ZNF395: variants seen among roughly 807,000 people sequenced by gnomAD.
ZNF395 encodes zinc finger protein 395.
ZNF395 carries 20 observed loss-of-function variants against 57.7 expected under a neutral mutation model. The ratio of observed to expected loss-of-function variants is 0.35; its 90% CI spans 0.24 to 0.50. The LOEUF is 0.50. Among genes scored for constraint, ZNF395 ranks in the 20% least tolerant of loss-of-function variants. The pLI is 0.97. For missense variants in ZNF395, 606 were observed against 671.2 expected (o/e 0.90, Z 1.07); for synonymous variants, 295 against 275.9 (o/e 1.07, Z -0.69).
intron 2 of ZNF395, 52 bp downstream of exon 2, chr8:28,360,833 C>A: frequency 6.3e-7 from 1 of 1,596,538 alleles, no homozygotes; most frequent in South Asian, 1.1e-5. Flanking sequence ...CCCCAGCCCC[C>A]TACCCCAAGA....
intron 4 of ZNF395, among the ~76,000 whole-genome samples, chr8:28,355,969 TGAA>T (rs10599970): frequency 0.11 from 16,263 of 152,144 alleles, 2,827 homozygotes; most frequent in African/African-American, 0.36. Context: ...TGTCCACCAA[TGAA>T]GAAGTTCTTC....
At chr8:28,379,431 G>A (rs1483074837) in intron 1 of ZNF395, among the ~76,000 whole-genome samples, 2 of 152,174 alleles carry the variant, frequency 1.3e-5, no homozygotes, top group Non-Finnish European at 1.5e-5. Context: ...TTGGGAGGCT[G>A]AGGCAGAAGG....
intron 1 of ZNF395, among the ~76,000 whole-genome samples, chr8:28,374,743 A>C (rs1229546362): frequency 6.6e-6 from 1 of 152,208 alleles, no homozygotes; most frequent in African/African-American, 2.4e-5. Flanking sequence ...GGGACTTCTG[A>C]TCATCCAAAG....
At chr8:28,378,521 G>A (rs1387700913) in intron 1 of ZNF395, among the ~76,000 whole-genome samples, 1 of 152,164 alleles carries the variant, frequency 6.6e-6, no homozygotes, top group Non-Finnish European at 1.5e-5. Flanking sequence ...GATTACAGGC[G>A]TGAGTCAATG....
intron 9 of ZNF395, 57 bp from the exon 10 acceptor site, chr8:28,348,887 T>G: frequency 6.4e-7 from 1 of 1,559,010 alleles, no homozygotes; most frequent in South Asian, 1.1e-5. Flanking sequence ...CCCAGGAGAG[T>G]GGCCAAGTGG....
intron 1 of ZNF395, 90 bp from the exon 2 acceptor site, chr8:28,361,272 C>T (rs1445263839): frequency 9.5e-7 from 1 of 1,050,450 alleles, no homozygotes; most frequent in African/African-American, 1.6e-5. Flanking sequence ...TTAAAGTCAA[C>T]TTCTAGCATC....
At chr8:28,358,269 C>G (rs1453842514) in intron 3 of ZNF395, among the ~76,000 whole-genome samples, 2 of 151,044 alleles carry the variant, frequency 1.3e-5, no homozygotes, top group Non-Finnish European at 2.9e-5. Context: ...GCCACCATGC[C>G]CAGCTAATTT....
chr8:28,376,936 A>C (rs958712265), intron 1 of ZNF395, among the ~76,000 whole-genome samples: 1 of 152,212 alleles, frequency 6.6e-6, no homozygotes, highest in Non-Finnish European at 1.5e-5. Flanking sequence ...GATTTCTCAA[A>C]TGCCAAAATG....
chr8:28,346,268 G>C lies in ZNF395; in HGVS notation c.*2451C>G, dbSNP rs1046272055. ...CCATCAGAGTCTGCTGCCCGGGTGGGCTGGGAAGGAGGGAGATACAAAGAA... is the reference window on the plus strand; with the variant it reads ...CCATCAGAGTCTGCTGCCCGGGTGGCCTGGGAAGGAGGGAGATACAAAGAA... On this transcript the variant is annotated 3_prime_UTR_variant, in exon 10 of 10. Coordinates refer to ENST00000344423, the MANE Select transcript of ZNF395 (RefSeq NM_018660.3). 6.6e-6 allele frequency: 1 copy of C among 152,214 alleles called. No individual in the cohort carries two copies. Among genetic ancestry groups the C allele is most frequent in the African/African-American group, 2.4e-5 (1 of 41,446 alleles). 9.4% of individuals were successfully genotyped at this position (152,214 alleles called of 1,614,324 possible).
chr8:28,369,006 T>C (rs1223419807), intron 1 of ZNF395, among the ~76,000 whole-genome samples: 1 of 152,098 alleles, frequency 6.6e-6, no homozygotes, highest in Admixed American at 6.6e-5. Context: ...GGGCTAATTT[T>C]TGCCTTTTTG....
intron 1 of ZNF395, among the ~76,000 whole-genome samples, chr8:28,366,845 A>G (rs1294139050): frequency 6.6e-6 from 1 of 151,518 alleles, no homozygotes; most frequent in Non-Finnish European, 1.5e-5. Context: ...CACTTCGCTA[A>G]GCATACATGG....
In ZNF395 at chr8:28,346,317, C is replaced by T. The variant is rs1801599456; in HGVS notation, c.*2402G>A. 6.6e-6 allele frequency: 1 copy of T among 152,042 alleles called. No homozygotes were observed. Among genetic ancestry groups the T allele is most frequent in the African/African-American group, 2.4e-5 (1 of 41,384 alleles). 9.4% of individuals were successfully genotyped at this position (152,042 alleles called of 1,614,324 possible). A position where few individuals can be genotyped will look rare whatever the true frequency, so the allele number is the denominator to read the frequency against. On this transcript the variant is annotated 3_prime_UTR_variant, in exon 10 of 10. Coordinates refer to ENST00000344423, the MANE Select transcript of ZNF395 (RefSeq NM_018660.3). ...AAGAAAGTAGGCATGATCACTGGGT[C>T]GGTTCCCAAGCCACCCTCACCCTCC...
chr8:28,373,752 C>T (rs117752807), intron 1 of ZNF395, among the ~76,000 whole-genome samples: 2,687 of 152,284 alleles, frequency 0.018, 32 homozygotes, highest in Middle Eastern at 0.041. Context: ...ACCAACCCTT[C>T]CCACAAACCA....
At chr8:28,358,151 CTTTTTT>C (rs746800075) in intron 3 of ZNF395, among the ~76,000 whole-genome samples, 118 of 101,120 alleles carry the variant, frequency 1.2e-3, no homozygotes, top group African/African-American at 4.3e-3. Context: ...TCTTTTTTTT[CTTTTTT>C]TTTTTTTTTT....
Position 28,348,499 on chromosome 8 carries a change from C to T in ZNF395, c.*220G>A, listed in dbSNP as rs1448998249. 2 of 510,792 alleles carry T rather than the reference C, an allele frequency of 3.9e-6. No homozygotes were observed. Among genetic ancestry groups the T allele is most frequent in the Admixed American group, 6.5e-5 (2 of 30,950 alleles). 31.6% of individuals were successfully genotyped at this position (510,792 alleles called of 1,614,324 possible). A position where few individuals can be genotyped will look rare whatever the true frequency, so the allele number is the denominator to read the frequency against. Reference sequence around the variant, plus strand: ...AGCCTTGGTCAGTTTTGGCTCTCTCCTATTTTAGGGGGAAAAATATTTTTG... The same window carrying T: ...AGCCTTGGTCAGTTTTGGCTCTCTCTTATTTTAGGGGGAAAAATATTTTTG... On this transcript the variant is annotated 3_prime_UTR_variant, in exon 10 of 10. Coordinates refer to ENST00000344423, the MANE Select transcript of ZNF395 (RefSeq NM_018660.3).
At chr8:28,360,477 C>T (rs1460498555) in intron 2 of ZNF395, among the ~76,000 whole-genome samples, 1 of 152,260 alleles carries the variant, frequency 6.6e-6, no homozygotes, top group East Asian at 1.9e-4. Flanking sequence ...ACTACACAAA[C>T]ATCTCTGAGT....
Position 28,359,940 on chromosome 8 carries a change from C to T in ZNF395, c.241-116G>A, listed in dbSNP as rs1801828986. ...TGCCTGCCACAAACCATGTTCTCTG[C>T]CTCACTCATCTTTTATTCAAGCAGA... On this transcript the variant is annotated intron_variant, in intron 2 of 9. Coordinates refer to ENST00000344423, the MANE Select transcript of ZNF395 (RefSeq NM_018660.3). The surrounding 1 kb of genome is among the most constrained non-coding windows in gnomAD (Gnocchi z 4.7). 8 of 1,442,878 alleles carry T rather than the reference C, an allele frequency of 5.5e-6. No homozygotes were observed. The highest frequency in any genetic ancestry group is 6.4e-6 in the Non-Finnish European group (7 of 1,086,802). The allele number at this position is 1,442,878 out of a possible 1,614,324, so 89.4% of individuals were successfully genotyped here.
Position 28,382,475 on chromosome 8 carries a change from C to T in ZNF395, c.-59+3918G>A, listed in dbSNP as rs77684438. Among the ~76,000 whole-genome samples, 467 of 152,224 alleles carry T rather than the reference C, an allele frequency of 3.1e-3. 17 individuals are homozygous for T. In the East Asian group the frequency reaches 0.081, roughly 27 times the overall value. ...ACTTTACACTTTCCTAACTCCAAGG[C>T]TTTGCCCACTCTATACCTCCCCACA... On this transcript the variant is annotated intron_variant, in intron 1 of 9. Coordinates refer to ENST00000344423, the MANE Select transcript of ZNF395 (RefSeq NM_018660.3).
intron 1 of ZNF395, among the ~76,000 whole-genome samples, chr8:28,376,384 C>A (rs956541633): frequency 6.6e-6 from 1 of 152,020 alleles, no homozygotes; most frequent in Non-Finnish European, 1.5e-5. Context: ...CTTTGGGAGG[C>A]TGAGGTGGGA....
Sources: allele counts gnomAD v4.1 joint callset (sites outside exome capture counted in the v4.1 genomes callset), GRCh38; gene constraint gnomAD v4.1.1; non-coding constraint Gnocchi (gnomAD v3.1); transcripts MANE v1.5; gene names NCBI Gene and HGNC (gene_info 2026-07-23, HGNC 2026-07-21).